CSMD1: variants seen among roughly 807,000 people sequenced by gnomAD.
CSMD1 encodes the protein CUB and sushi domain-containing protein 1.
A neutral mutation model predicts 417.5 loss-of-function variants in CSMD1; 213 were observed. That is an observed-to-expected ratio of 0.51 (90% CI 0.46 to 0.57). The LOEUF (loss-of-function observed/expected upper bound fraction) is 0.57, where lower values mean the gene tolerates loss of function less well. CSMD1 is among the 20% of genes least tolerant of loss of function. CSMD1 has a pLI of 0.00. For missense variants in CSMD1, 6,923 were observed against 4,529.7 expected, an observed-to-expected ratio of 1.53 and a Z score of -15.17; for synonymous variants, 2,862 against 1,736.8, an observed-to-expected ratio of 1.65 and a Z score of -16.11.
chr8:4,425,163 A>C (rs1318841980), intron 2 of CSMD1, among the ~76,000 whole-genome samples: 1 of 152,030 alleles, frequency 6.6e-6, no homozygotes, highest in Non-Finnish European at 1.5e-5. Flanking sequence ...TTAAATTATT[A>C]AGTTTTATAA....
chr8:3,771,332 C>G (rs1183631584), intron 5 of CSMD1, among the ~76,000 whole-genome samples: 1 of 152,076 alleles, frequency 6.6e-6, no homozygotes, highest in East Asian at 1.9e-4. Context: ...GGATAACAGA[C>G]AAAGAAGAAC....
chr8:4,390,947 A>T (rs1251415268), intron 3 of CSMD1, among the ~76,000 whole-genome samples: 1 of 152,170 alleles, frequency 6.6e-6, no homozygotes, highest in East Asian at 1.9e-4. Flanking sequence ...TAATCCAAAG[A>T]CACACAAATA....
chr8:4,558,957 G>T (rs1203406687), intron 2 of CSMD1, among the ~76,000 whole-genome samples: 1 of 151,924 alleles, frequency 6.6e-6, no homozygotes, highest in Non-Finnish European at 1.5e-5. Flanking sequence ...TCCTGTATTT[G>T]ATACTTTCCC....
At position 3,625,356 on chromosome 8, in the gene CSMD1, C is replaced by A. The variant is rs556993910; in HGVS notation, c.1010-8559G>T. Among the ~76,000 whole-genome samples, 6 of 152,142 alleles carry A rather than the reference C, an allele frequency of 3.9e-5. No individual in the cohort carries two copies. In the South Asian group the frequency reaches 1.0e-3, roughly 26 times the overall value. On this transcript the variant is annotated intron_variant, in intron 7 of 69. Transcript: ENST00000635120. Reference sequence around the variant, plus strand: ...AATTGGACGTGAAGAGCTTCCAACCCTGAGTGAGAGACAAGGGCTGCATTT... The same window carrying A: ...AATTGGACGTGAAGAGCTTCCAACCATGAGTGAGAGACAAGGGCTGCATTT...
Position 4,945,493 on chromosome 8 carries a change from T to TAA in CSMD1, c.85+48837_85+48838dup, listed in dbSNP as rs113591837. On this transcript the variant is annotated intron_variant, in intron 1 of 69. Coordinates refer to ENST00000635120, the MANE Select transcript of CSMD1 (RefSeq NM_033225.6). ...GCGGATTACTTGAGCCCAAGAGTTT[T>TAA]AAAAAAACAAAATAAAAAGAGGAAG... Among the ~76,000 whole-genome samples, 103 of 148,614 alleles carry TAA rather than the reference T, an allele frequency of 6.9e-4. No homozygotes were observed. In the Middle Eastern group the frequency reaches 0.014, roughly 20 times the overall value.
At chr8:4,670,504 A>G (rs1215309084) in intron 1 of CSMD1, among the ~76,000 whole-genome samples, 2 of 152,206 alleles carry the variant, frequency 1.3e-5, no homozygotes, top group Non-Finnish European at 2.9e-5. Context: ...ATTCATTATT[A>G]TAATTAAAAG....
chr8:4,293,717 A>T (rs546644198), intron 3 of CSMD1, among the ~76,000 whole-genome samples: 1 of 152,362 alleles, frequency 6.6e-6, no homozygotes, highest in African/African-American at 2.4e-5. Flanking sequence ...ATACTTTAAA[A>T]AAGATGCTTT....
At chr8:4,265,297 T>A (rs1032122022) in intron 3 of CSMD1, among the ~76,000 whole-genome samples, 1 of 152,044 alleles carries the variant, frequency 6.6e-6, no homozygotes, top group African/African-American at 2.4e-5. Context: ...AATAGTGAGA[T>A]TAAAAACATA....
chr8:3,542,695 G>A (rs141881611), intron 10 of CSMD1, among the ~76,000 whole-genome samples: 35 of 152,200 alleles, frequency 2.3e-4, no homozygotes, highest in Non-Finnish European at 4.3e-4. Flanking sequence ...AATGTCTCAA[G>A]AATAACTGTC....
intron 2 of CSMD1, among the ~76,000 whole-genome samples, chr8:4,571,381 G>A (rs1443917604): frequency 3.3e-5 from 5 of 152,106 alleles, no homozygotes; most frequent in Admixed American, 3.3e-4. Context: ...ATTTATTTCT[G>A]CCTTAATTTC....
intron 3 of CSMD1, among the ~76,000 whole-genome samples, chr8:4,221,702 G>A (rs1801042373): frequency 6.6e-6 from 1 of 152,124 alleles, no homozygotes; most frequent in Non-Finnish European, 1.5e-5. Flanking sequence ...GCAATAGACT[G>A]GAGGCTTTCT....
chr8:3,120,543 G>A (rs970873148), intron 41 of CSMD1, among the ~76,000 whole-genome samples: 1 of 151,916 alleles, frequency 6.6e-6, no homozygotes, highest in Non-Finnish European at 1.5e-5. Context: ...TGGCATTGTT[G>A]CCTCTTTAAA....
intron 1 of CSMD1, among the ~76,000 whole-genome samples, chr8:4,761,218 G>A (rs765912406): frequency 1.3e-5 from 2 of 152,138 alleles, no homozygotes; most frequent in Non-Finnish European, 2.9e-5. Context: ...GAGTAGCCAG[G>A]AGGTCACAGG....
At position 4,083,767 on chromosome 8, in the gene CSMD1, G is replaced by A. The variant is rs553926189; in HGVS notation, c.416-51668C>T. Among the ~76,000 whole-genome samples, 11 of 152,262 alleles carry A rather than the reference G, an allele frequency of 7.2e-5. No individual in the cohort carries two copies. In the South Asian group the frequency reaches 2.3e-3, roughly 32 times the overall value. ...AAGAAAACCTAGGCATTACCATTCA[G>A]GACATAGGCATGGGCAAGGACTTCA... On this transcript the variant is annotated intron_variant, in intron 3 of 69. Coordinates refer to ENST00000635120, the MANE Select transcript of CSMD1 (RefSeq NM_033225.6).
intron 3 of CSMD1, among the ~76,000 whole-genome samples, chr8:4,141,621 T>C (rs80285422): frequency 1.3e-5 from 2 of 149,782 alleles, no homozygotes; most frequent in Non-Finnish European, 3.0e-5. Flanking sequence ...TCCTCCACTA[T>C]ATTTTCACCC....
chr8:4,001,338 G>C (rs1395684650), intron 4 of CSMD1, among the ~76,000 whole-genome samples: 1 of 152,140 alleles, frequency 6.6e-6, no homozygotes, highest in Non-Finnish European at 1.5e-5. Context: ...CAGAGTCCAG[G>C]GCCCCCACCC....
chr8:4,017,187 G>C (rs938268753), intron 4 of CSMD1, among the ~76,000 whole-genome samples: 1 of 152,184 alleles, frequency 6.6e-6, no homozygotes, highest in Non-Finnish European at 1.5e-5. Context: ...CTTCCTTCTA[G>C]ATATCTTTTT....
chr8:4,383,802 A>C (rs954645146), intron 3 of CSMD1, among the ~76,000 whole-genome samples: 1 of 152,240 alleles, frequency 6.6e-6, no homozygotes, highest in Admixed American at 6.5e-5. Context: ...TGCTACATAT[A>C]TAATACCAAA....
chr8:3,962,163 C>T (rs752184427), intron 5 of CSMD1, among the ~76,000 whole-genome samples: 3 of 152,124 alleles, frequency 2.0e-5, no homozygotes, highest in African/African-American at 4.8e-5. Context: ...CTTCATAGAC[C>T]TGCTCTGCTG....
Sources: gnomAD v4.1 joint callset for allele counts (sites outside exome capture counted in the v4.1 genomes callset) on GRCh38, gnomAD v4.1.1 for gene constraint, MANE v1.5 for transcripts, NCBI Gene and HGNC (gene_info 2026-07-23, HGNC 2026-07-21) for gene names.